Variants in CPB2 observed in about 807,000 individuals in gnomAD.
CPB2 encodes carboxypeptidase B-like protein.
A neutral mutation model predicts 57.0 loss-of-function variants in CPB2; 54 were observed. The ratio of observed to expected loss-of-function variants is 0.95; its 90% confidence interval spans 0.76 to 1.19. The LOEUF is 1.19. Among genes scored for constraint, CPB2 ranks in the 50% most tolerant of loss-of-function variants. CPB2 has a pLI of 0.00. For synonymous variants in CPB2, 189 were observed against 178.1 expected (o/e 1.06, Z -0.49); for missense variants, 426 against 512.0 (o/e 0.83, Z 1.62).
intron 2 of CPB2, among the ~76,000 whole-genome samples, 156 bp downstream of exon 2, chr13:46,087,589 C>A (rs1030146436): frequency 1.3e-5 from 2 of 152,020 alleles, no homozygotes; most frequent in Non-Finnish European, 2.9e-5. Flanking sequence ...ATTTGGGGAA[C>A]CAACAAAATC....
chr13:46,088,148 A>C (rs1479910788), intron 1 of CPB2, among the ~76,000 whole-genome samples: 1 of 152,188 alleles, frequency 6.6e-6, no homozygotes, highest in East Asian at 1.9e-4. Context: ...TGCTGATCCT[A>C]GTTAATTATA....
chr13:46,095,077 T>G (rs1014995570), intron 1 of CPB2: 1 of 152,182 alleles, frequency 6.6e-6, no homozygotes, highest in African/African-American at 2.4e-5. Flanking sequence ...ACTATCCAAG[T>G]TGATTTTGAA....
At chr13:46,091,324 T>C (rs1190568263) in intron 1 of CPB2, among the ~76,000 whole-genome samples, 4 of 152,218 alleles carry the variant, frequency 2.6e-5, no homozygotes, top group African/African-American at 7.2e-5. Context: ...ACGTTCTGCT[T>C]CTTTAATTTC....
chr13:46,078,235 A>C (rs917920769), intron 5 of CPB2, among the ~76,000 whole-genome samples: 1 of 152,224 alleles, frequency 6.6e-6, no homozygotes, highest in Non-Finnish European at 1.5e-5. Flanking sequence ...TTAAAAATTA[A>C]CATCAAAAAG....
At position 46,053,458 on chromosome 13, in the gene CPB2, A is replaced by G; in HGVS notation, c.*156T>C. The stretch of plus-strand genomic sequence containing the variant: ...ATGAACCCTAGTCTGCCTTAATGGC[A>G]AAGTAGCACTTATTAGGTTCTCTGA... On this transcript the variant is annotated 3_prime_UTR_variant, in exon 11 of 11. Transcript: ENST00000181383. The G allele has an allele frequency of 2.6e-6, 3 of 1,156,736 alleles. No individual in the cohort carries two copies. Among genetic ancestry groups the G allele is most frequent in the Non-Finnish European group, 3.5e-6 (3 of 854,946 alleles). 71.7% of individuals were successfully genotyped at this position (1,156,736 alleles called of 1,614,324 possible). A position where few individuals can be genotyped will look rare whatever the true frequency, so the allele number is the denominator to read the frequency against.
chr13:46,092,142 T>G (rs17844179), intron 1 of CPB2, among the ~76,000 whole-genome samples: 4,219 of 152,298 alleles, frequency 0.028, 191 homozygotes, highest in African/African-American at 0.097. Flanking sequence ...TCCTCTTGCT[T>G]TATTTAAAAC....
chr13:46,096,904 G>T (rs2045374336), intron 1 of CPB2, among the ~76,000 whole-genome samples: 1 of 152,198 alleles, frequency 6.6e-6, no homozygotes, highest in Non-Finnish European at 1.5e-5. Context: ...ATACACCTTG[G>T]GTGGAAAAGG....
chr13:46,102,592 G>GCTTT (rs759144981), intron 1 of CPB2, among the ~76,000 whole-genome samples: 27,487 of 115,892 alleles, frequency 0.24, 3,166 homozygotes, highest in Non-Finnish European at 0.31. Context: ...CAGACTGTTA[G>GCTTT]TTTTTTTTTT....
At chr13:46,073,849 G>C in intron 6 of CPB2, 24 bp downstream of exon 6, 2 of 1,466,230 alleles carry the variant, frequency 1.4e-6, no homozygotes, top group Non-Finnish European at 1.9e-6. Flanking sequence ...TGAGAAATAG[G>C]GTTAAGAGAA....
intron 7 of CPB2, 106 bp from the exon 8 acceptor site, chr13:46,064,847 C>A (rs902971535): frequency 3.9e-6 from 3 of 776,220 alleles, no homozygotes; most frequent in Non-Finnish European, 6.6e-6. Flanking sequence ...TTCTCTCCTT[C>A]AATCCCATAC....
chr13:46,073,103 T>A (rs1399905047), intron 6 of CPB2, among the ~76,000 whole-genome samples: 2 of 152,230 alleles, frequency 1.3e-5, no homozygotes, highest in Non-Finnish European at 2.9e-5. Context: ...CTTGATGTAC[T>A]TAATAAGTGC....
At chr13:46,063,566 G>A (rs544897161) in intron 8 of CPB2, among the ~76,000 whole-genome samples, 10 of 152,032 alleles carry the variant, frequency 6.6e-5, no homozygotes, top group East Asian at 5.8e-4. Context: ...TATCCAATCC[G>A]CCATTGACAG....
Position 46,078,872 on chromosome 13 carries a change from C to T in CPB2, c.414G>A (p.Glu138=), listed in dbSNP as rs375782116. The T allele has an allele frequency of 2.9e-5, 47 of 1,611,196 alleles. No homozygotes were observed. The highest frequency in any genetic ancestry group is 3.3e-5 in the Non-Finnish European group (39 of 1,177,860). ...EIYSWIEFIT[E]RHPDMLTKIH... ...TTTTTGTAAGCATATCAGGATGCCT[C>T]TCAGTTATAAATTCTATCCAAGAAT... Residue 138 remains glutamate, a synonymous_variant, in exon 5 of 11, where the codon GAG becomes GAA. Transcript: ENST00000181383.
At chr13:46,081,420 A>G (rs1180137864) in intron 4 of CPB2, among the ~76,000 whole-genome samples, 3 of 152,154 alleles carry the variant, frequency 2.0e-5, no homozygotes, top group Non-Finnish European at 4.4e-5. Flanking sequence ...TTGCTCATGC[A>G]GTCGTGCTGA....
chr13:46,078,045 TAGA>T (rs1025752598), intron 5 of CPB2, among the ~76,000 whole-genome samples: 3 of 152,084 alleles, frequency 2.0e-5, no homozygotes, highest in Admixed American at 6.6e-5. Context: ...TCAAAATAGC[TAGA>T]AGATGAACTT....
chr13:46,080,038 T>C (rs2045088139), intron 4 of CPB2, among the ~76,000 whole-genome samples: 1 of 152,230 alleles, frequency 6.6e-6, no homozygotes, highest in African/African-American at 2.4e-5. Context: ...AAAAAAATAA[T>C]TTATGCATTG....
intron 1 of CPB2, among the ~76,000 whole-genome samples, chr13:46,103,296 C>G (rs1181360993): frequency 6.6e-6 from 1 of 152,240 alleles, no homozygotes; most frequent in Non-Finnish European, 1.5e-5. Flanking sequence ...ATTAGATCTG[C>G]TAGTGGGTGA....
At chr13:46,070,558 C>A (rs1339232701) in intron 6 of CPB2, among the ~76,000 whole-genome samples, 3 of 151,986 alleles carry the variant, frequency 2.0e-5, no homozygotes, top group Non-Finnish European at 4.4e-5. Flanking sequence ...ACAACAACAA[C>A]AACAACAACA....
chr13:46,081,143 A>C (rs1351520007), intron 4 of CPB2, among the ~76,000 whole-genome samples: 15 of 152,122 alleles, frequency 9.9e-5, no homozygotes. Context: ...TCAGCTACAC[A>C]GTCTGTGGTA....
Sources: allele counts gnomAD v4.1 joint callset (sites outside exome capture counted in the v4.1 genomes callset), GRCh38; gene constraint gnomAD v4.1.1; transcripts MANE v1.5; gene names NCBI Gene and HGNC (gene_info 2026-07-23, HGNC 2026-07-21).